Variants in ITPR2 observed in about 807,000 individuals in gnomAD.
The protein encoded by ITPR2 is inositol 1,4,5-trisphosphate-gated calcium channel ITPR2.
Under a neutral mutation model 317.1 loss-of-function variants are expected in ITPR2, and 207 were observed. The observed-to-expected ratio is 0.65, with a 90% CI of 0.58 to 0.73. The LOEUF (loss-of-function observed/expected upper bound fraction) is 0.73, where lower values mean the gene tolerates loss of function less well. Ranked by LOEUF, ITPR2 falls within the 30% of genes least tolerant of loss-of-function variation. The pLI is 0.00. For synonymous variants in ITPR2, 1,156 were observed against 1,149.1 expected (o/e 1.01, Z -0.12); for missense variants, 2,613 against 3,284.0 (o/e 0.80, Z 4.99).
intron 55 of ITPR2, among the ~76,000 whole-genome samples, chr12:26,358,654 G>C (rs1210086886): frequency 6.6e-6 from 1 of 151,846 alleles, no homozygotes; most frequent in Non-Finnish European, 1.5e-5. Context: ...AATTGATGAT[G>C]TTGGGCACAT....
In ITPR2 at chr12:26,481,224, A is replaced by C; in HGVS notation, c.6030T>G (p.His2010Gln). Residue 2010 changes from histidine (H) to glutamine (Q), a missense_variant, in exon 43 of 57, where the codon CAT becomes CAG. By Grantham distance (24) the His-to-Gln change is conservative. Transcript: ENST00000381340. Reference protein sequence around the residue: ...CHENQTCIATHESNGIDIIIA... With the variant: ...CHENQTCIATQESNGIDIIIA... ...TGATGATATCAATCCCATTAGACTC[A>C]TGTGTAGCGATACAGGTCTAGAAAA... The C allele has an allele frequency of 6.2e-7, 1 of 1,606,616 alleles. No individual in the cohort carries two copies. The highest frequency in any genetic ancestry group is 8.5e-7 in the Non-Finnish European group (1 of 1,173,428).
At chr12:26,525,639 T>C (rs1365907007) in intron 37 of ITPR2, among the ~76,000 whole-genome samples, 1 of 152,198 alleles carries the variant, frequency 6.6e-6, no homozygotes, top group Non-Finnish European at 1.5e-5. Flanking sequence ...CTTTACACCA[T>C]ATAAATAGGA....
intron 9 of ITPR2, among the ~76,000 whole-genome samples, chr12:26,698,039 T>A (rs1948383191): frequency 6.6e-6 from 1 of 151,730 alleles, no homozygotes; most frequent in African/African-American, 2.4e-5. Context: ...AAGAAAATGG[T>A]CACAGACAAC....
chr12:26,755,073 G>T (rs59067183), intron 2 of ITPR2, among the ~76,000 whole-genome samples: 2,485 of 152,212 alleles, frequency 0.016, 64 homozygotes, highest in African/African-American at 0.056. Context: ...TGTGTTTTTG[G>T]TATATGTTCC....
At chr12:26,649,058 TAAG>T (rs1177169730) in intron 21 of ITPR2, 1 of 152,212 alleles carries the variant, frequency 6.6e-6, no homozygotes, top group Non-Finnish European at 1.5e-5. Flanking sequence ...ATTAATTATT[TAAG>T]TTCTTAACTT....
chr12:26,417,702 G>A (rs2136682722), intron 50 of ITPR2, among the ~76,000 whole-genome samples: 1 of 152,246 alleles, frequency 6.6e-6, no homozygotes, highest in Non-Finnish European at 1.5e-5. Flanking sequence ...CTCAGTCTCA[G>A]GTAGTATATT....
At chr12:26,462,672 T>C (rs1591805507) in intron 45 of ITPR2, among the ~76,000 whole-genome samples, 2 of 141,328 alleles carry the variant, frequency 1.4e-5, no homozygotes, top group Admixed American at 7.0e-5. Flanking sequence ...AAGCTTTCTT[T>C]CTTTTTTTTT....
chr12:26,595,715 T>A, intron 31 of ITPR2, 125 bp from the exon 32 acceptor site: 2 of 774,880 alleles, frequency 2.6e-6, no homozygotes, highest in Non-Finnish European at 3.9e-6. Flanking sequence ...GTTTTGTCTA[T>A]CCAGAAAGTA....
intron 13 of ITPR2, among the ~76,000 whole-genome samples, chr12:26,672,737 T>A (rs1592022021): frequency 6.6e-6 from 1 of 151,958 alleles, no homozygotes; most frequent in East Asian, 1.9e-4. Flanking sequence ...AAAAAACCCT[T>A]CAAAAAAATC....
chr12:26,624,097 C>CT lies in ITPR2; in HGVS notation c.3122+201dup, dbSNP rs201340718. On this transcript the variant is annotated intron_variant, in intron 24 of 56. Transcript: ENST00000381340. ...ATACACTGATCTCATCTCTCTTGTC[C>CT]TTTTTTTTACCTGACCTAAAGAAAA... Among the ~76,000 whole-genome samples, 600 of 151,966 alleles carry CT rather than the reference C, an allele frequency of 3.9e-3. 2 individuals carry two copies. The highest frequency in any genetic ancestry group is 6.3e-3 in the Non-Finnish European group (431 of 67,934).
chr12:26,643,155 C>T (rs953160911), intron 21 of ITPR2, among the ~76,000 whole-genome samples: 3 of 152,136 alleles, frequency 2.0e-5, no homozygotes, highest in Admixed American at 6.5e-5. Context: ...AAAAAGCAGA[C>T]CCCCACTGGA....
At chr12:26,657,981 GA>G in intron 17 of ITPR2, 29 bp downstream of exon 17, 1 of 1,602,326 alleles carries the variant, frequency 6.2e-7, no homozygotes, top group Non-Finnish European at 8.5e-7. Flanking sequence ...TAATCAACAG[GA>G]AAATGATGCA....
At chr12:26,600,159 A>G in intron 28 of ITPR2, 50 bp from the exon 29 acceptor site, 14 of 1,514,852 alleles carry the variant, frequency 9.2e-6, no homozygotes, top group Non-Finnish European at 1.3e-5. Flanking sequence ...GGAGACAGCA[A>G]ATGTTATGCA....
At chr12:26,691,952 G>GTAA (rs1298195060) in intron 10 of ITPR2, among the ~76,000 whole-genome samples, 1 of 151,970 alleles carries the variant, frequency 6.6e-6, no homozygotes, top group Admixed American at 6.6e-5. Flanking sequence ...TCTTGCCGAG[G>GTAA]TTCCTTAACA....
At chr12:26,641,587 C>T (rs937593785) in intron 21 of ITPR2, among the ~76,000 whole-genome samples, 23 of 151,942 alleles carry the variant, frequency 1.5e-4, no homozygotes, top group Non-Finnish European at 1.0e-4. Context: ...CAATCAGGAC[C>T]ATAATATCCG....
At chr12:26,399,070 A>G (rs1375933124) in intron 53 of ITPR2, 29 bp from the exon 54 acceptor site, 1 of 1,511,142 alleles carries the variant, frequency 6.6e-7, no homozygotes, top group East Asian at 2.3e-5. Context: ...AAAAAATCAC[A>G]CTAGGCATAG....
At chr12:26,501,263 G>A (rs185008864) in intron 37 of ITPR2, among the ~76,000 whole-genome samples, 30 of 152,226 alleles carry the variant, frequency 2.0e-4, no homozygotes, top group African/African-American at 6.3e-4. Flanking sequence ...GTAACAATAC[G>A]TCTGATTAGG....
intron 39 of ITPR2, among the ~76,000 whole-genome samples, chr12:26,491,493 A>AG (rs961967780): frequency 4.2e-5 from 6 of 142,212 alleles, no homozygotes; most frequent in African/African-American, 1.7e-4. Flanking sequence ...AAAAAAAAAA[A>AG]AAAAAAAAAA....
At chr12:26,828,735 A>G (rs1463754756) in intron 1 of ITPR2, among the ~76,000 whole-genome samples, 1 of 152,228 alleles carries the variant, frequency 6.6e-6, no homozygotes, top group Non-Finnish European at 1.5e-5. Context: ...ATAAAAATCG[A>G]TGAGATGAGT....
Sources: allele counts gnomAD v4.1 joint callset (sites outside exome capture counted in the v4.1 genomes callset), GRCh38; gene constraint gnomAD v4.1.1; transcripts MANE v1.5; gene names NCBI Gene and HGNC (gene_info 2026-07-23, HGNC 2026-07-21).